The following RARB variants were observed in gnomAD, a reference collection of about 807,000 sequenced individuals.
RARB encodes the protein retinoic acid receptor beta, also known as HBV-activated protein.
Under a neutral mutation model 51.9 loss-of-function variants are expected in RARB, and 17 were observed. The observed-to-expected ratio is 0.33, with a 90% CI of 0.22 to 0.49. The LOEUF is 0.49. Among genes scored for constraint, RARB ranks in the 20% least tolerant of loss-of-function variants. The pLI, the probability that RARB is intolerant of heterozygous loss-of-function variation, is 0.99. For missense variants in RARB, 369 were observed against 550.8 expected, an observed-to-expected ratio of 0.67 and a Z score of 3.30; for synonymous variants, 215 against 195.4, an observed-to-expected ratio of 1.10 and a Z score of -0.84.
intron 1 of RARB, among the ~76,000 whole-genome samples, chr3:24,846,939 A>G (rs1167540908): frequency 2.0e-5 from 3 of 152,170 alleles, no homozygotes; most frequent in East Asian, 3.9e-4. Flanking sequence ...AAGCAGTTGT[A>G]TTGATACACA....
intron 5 of RARB, among the ~76,000 whole-genome samples, chr3:25,220,414 G>A (rs931839503): frequency 6.6e-6 from 1 of 152,112 alleles, no homozygotes; most frequent in Non-Finnish European, 1.5e-5. Context: ...TAACACATTA[G>A]GGGTTATAAG....
intron 5 of RARB, among the ~76,000 whole-genome samples, chr3:25,279,280 T>C (rs900901579): frequency 2.0e-5 from 3 of 152,188 alleles, no homozygotes; most frequent in Non-Finnish European, 4.4e-5. Context: ...CTTGGGTGCA[T>C]GGCCACTTCC....
chr3:25,244,991 G>A (rs1376193721), intron 5 of RARB, among the ~76,000 whole-genome samples: 3 of 152,168 alleles, frequency 2.0e-5, no homozygotes, highest in African/African-American at 4.8e-5. Flanking sequence ...GGGTGCTCCC[G>A]TATTGGGTGC....
chr3:24,986,678 A>G (rs1156506908), intron 2 of RARB, among the ~76,000 whole-genome samples: 2 of 152,196 alleles, frequency 1.3e-5, no homozygotes, highest in Non-Finnish European at 2.9e-5. Context: ...TTTGTAGTTA[A>G]TTTCTGGGAG....
intron 3 of RARB, among the ~76,000 whole-genome samples, chr3:25,074,571 C>G (rs756205277): frequency 1.3e-5 from 2 of 152,168 alleles, no homozygotes; most frequent in Non-Finnish European, 2.9e-5. Context: ...GTTCACCCTT[C>G]GAAGCCTGCC....
intron 2 of RARB, among the ~76,000 whole-genome samples, chr3:25,044,515 T>C (rs531867506): frequency 2.6e-5 from 4 of 152,178 alleles, no homozygotes; most frequent in Admixed American, 1.3e-4. Flanking sequence ...TTCTCACTTA[T>C]CAGACCTTGT....
chr3:25,211,176 A>T (rs969742415), intron 5 of RARB, among the ~76,000 whole-genome samples: 2 of 152,194 alleles, frequency 1.3e-5, no homozygotes, highest in African/African-American at 2.4e-5. Flanking sequence ...GTTACCAAGG[A>T]CCAAGATAGA....
At chr3:25,016,728 C>T (rs1697517111) in intron 2 of RARB, among the ~76,000 whole-genome samples, 1 of 151,820 alleles carries the variant, frequency 6.6e-6, no homozygotes, top group Non-Finnish European at 1.5e-5. Flanking sequence ...TTTCTTTTTT[C>T]CCCCCAGGAT....
chr3:25,127,297 G>A (rs185808748), intron 3 of RARB, among the ~76,000 whole-genome samples: 6 of 152,124 alleles, frequency 3.9e-5, no homozygotes, highest in African/African-American at 1.4e-4. Flanking sequence ...TCACTACTGG[G>A]CCTTGCCACG....
chr3:24,903,933 TA>T (rs1290741036), intron 2 of RARB, among the ~76,000 whole-genome samples: 1 of 152,156 alleles, frequency 6.6e-6, no homozygotes, highest in East Asian at 1.9e-4. Context: ...GTACTAAAAG[TA>T]AAAACCATAT....
intron 5 of RARB, among the ~76,000 whole-genome samples, chr3:25,235,760 G>T (rs1485556742): frequency 3.3e-5 from 5 of 152,136 alleles, no homozygotes; most frequent in Admixed American, 2.6e-4. Context: ...GAAAGGCTTT[G>T]CTATAAAACC....
chr3:24,886,886 A>G (rs1013315352), intron 2 of RARB, among the ~76,000 whole-genome samples: 83 of 152,374 alleles, frequency 5.4e-4, no homozygotes, highest in East Asian at 1.3e-3. Context: ...TCCACAATGT[A>G]TAGACCATGT....
chr3:25,419,340 A>G (rs1164780832), intron 5 of RARB, among the ~76,000 whole-genome samples: 1 of 152,158 alleles, frequency 6.6e-6, no homozygotes, highest in African/African-American at 2.4e-5. Context: ...ATTTTGGGGT[A>G]GCATGTTCTG....
At chr3:25,341,205 C>G (rs1325335475) in intron 5 of RARB, among the ~76,000 whole-genome samples, 1 of 152,178 alleles carries the variant, frequency 6.6e-6, no homozygotes, top group African/African-American at 2.4e-5. Context: ...AAGACCGTGC[C>G]TGGCATGAAG....
At chr3:25,575,692 A>G (rs1000145318) in intron 4 of RARB, among the ~76,000 whole-genome samples, 1 of 151,816 alleles carries the variant, frequency 6.6e-6, no homozygotes, top group Non-Finnish European at 1.5e-5. Context: ...ATTTTTTTTT[A>G]TAAGGGCACC....
chr3:25,276,353 T>C (rs1003696388), intron 5 of RARB, among the ~76,000 whole-genome samples: 1 of 152,206 alleles, frequency 6.6e-6, no homozygotes, highest in Non-Finnish European at 1.5e-5. Context: ...CTAACTACCC[T>C]GATTTGATCA....
At chr3:25,040,986 C>T (rs377097377) in intron 2 of RARB, among the ~76,000 whole-genome samples, 6 of 152,246 alleles carry the variant, frequency 3.9e-5, no homozygotes, top group East Asian at 1.9e-4. Context: ...GCTGTATCAA[C>T]GGAAATCCAC....
intron 5 of RARB, among the ~76,000 whole-genome samples, chr3:25,179,171 G>A (rs1700814661): frequency 6.6e-6 from 1 of 152,168 alleles, no homozygotes; most frequent in South Asian, 2.1e-4. Context: ...AACATAAAAT[G>A]AGTCTTATTT....
chr3:25,075,879 G>C (rs527558314), intron 3 of RARB, among the ~76,000 whole-genome samples: 1 of 152,292 alleles, frequency 6.6e-6, no homozygotes, highest in South Asian at 2.1e-4. Flanking sequence ...AAATTGAAGA[G>C]TTATCTCTTG....
Sources: allele counts gnomAD v4.1 joint callset (sites outside exome capture counted in the v4.1 genomes callset), GRCh38; gene constraint gnomAD v4.1.1; transcripts MANE v1.5; gene names NCBI Gene and HGNC (gene_info 2026-07-23, HGNC 2026-07-21).